PCDHGB7: variants seen among roughly 807,000 people sequenced by gnomAD.
PCDHGB7 encodes the protein protocadherin gamma subfamily B, 7, also known as protocadherin gamma-B7.
Under a neutral mutation model 61.4 loss-of-function variants are expected in PCDHGB7, and 37 were observed. The ratio of observed to expected loss-of-function variants is 0.60; its 90% CI spans 0.46 to 0.79. The LOEUF (loss-of-function observed/expected upper bound fraction) is 0.79. Among genes scored for constraint, PCDHGB7 ranks in the 30% least tolerant of loss-of-function variants. The probability of loss-of-function intolerance (pLI) is 0.00; values close to 1 mark genes in which losing one functional copy is unlikely to be tolerated. For synonymous variants in PCDHGB7, 464 were observed against 503.5 expected (o/e 0.92, Z 1.05); for missense variants, 1,166 against 1,202.5 (o/e 0.97, Z 0.45).
At chr5:141,479,242 A>G (rs2099491093) in intron 1 of PCDHGB7, 1 of 152,320 alleles carries the variant, frequency 6.6e-6, no homozygotes, top group African/African-American at 2.4e-5. Context: ...AAACCCAAAG[A>G]TAACCATTTT....
chr5:141,473,048 A>T (rs1295750830), intron 1 of PCDHGB7, among the ~76,000 whole-genome samples: 4 of 151,992 alleles, frequency 2.6e-5, no homozygotes, highest in Non-Finnish European at 5.9e-5. Flanking sequence ...GAAAGAAAGA[A>T]GTGATACAAC....
rs1410729947 is a variant in PCDHGB7 at position 141,493,256 on chromosome 5, T to TA, written c.2416-1550dup. 3.3e-5 allele frequency among the ~76,000 whole-genome samples: 5 copies of TA among 152,306 alleles called. No homozygotes were observed. The highest frequency in any genetic ancestry group is 1.2e-4 in the African/African-American group (5 of 41,570). ...TGGCTAGGTACTAACATGCCTCTCT[T>TA]ATAACAGCTTCACAGAGGTCAAGTG... On this transcript the variant is annotated intron_variant, in intron 1 of 3. Transcript: ENST00000398594. This position sits in a 1 kb window ranked among gnomAD's most constrained non-coding sequence, Gnocchi z 4.3.
At chr5:141,434,331 T>C (rs1271938024) in intron 1 of PCDHGB7, among the ~76,000 whole-genome samples, 3 of 152,186 alleles carry the variant, frequency 2.0e-5, no homozygotes, top group Non-Finnish European at 4.4e-5. Context: ...GCTTGTCTCT[T>C]TGTGTCGGGA....
At chr5:141,503,679 G>A (rs562303239) in intron 2 of PCDHGB7, among the ~76,000 whole-genome samples, 1 of 152,054 alleles carries the variant, frequency 6.6e-6, no homozygotes, top group East Asian at 1.9e-4. Context: ...CCACTTTTGG[G>A]AAGGAGAATT....
chr5:141,422,151 G>A (rs763343536), intron 1 of PCDHGB7: 1 of 1,575,938 alleles, frequency 6.3e-7, no homozygotes, highest in Admixed American at 2.0e-5. Flanking sequence ...GGGGGTCTCT[G>A]GATTTTGAAA....
At chr5:141,458,617 T>A (rs1392739721) in intron 1 of PCDHGB7, among the ~76,000 whole-genome samples, 6 of 152,170 alleles carry the variant, frequency 3.9e-5, no homozygotes, top group Non-Finnish European at 8.8e-5. Flanking sequence ...TCAGCCAGGC[T>A]GGAGTGCAGT....
chr5:141,440,563 T>C (rs1048420758), intron 1 of PCDHGB7: 3 of 152,250 alleles, frequency 2.0e-5, no homozygotes, highest in Admixed American at 6.5e-5. Flanking sequence ...TTAAGTTACG[T>C]ATCTCTGAGT....
At chr5:141,510,580 G>A (rs947369646) in intron 3 of PCDHGB7, among the ~76,000 whole-genome samples, 7 of 152,248 alleles carry the variant, frequency 4.6e-5, no homozygotes, top group South Asian at 2.1e-4. Flanking sequence ...ACTATTTTAC[G>A]TACCTGACAT....
rs2096300166 is a variant in PCDHGB7, at chr5:141,418,904, A to C, written c.1045A>C (p.Ile349Leu). The C allele has an allele frequency of 6.2e-7, 1 of 1,613,998 alleles. No homozygotes were observed. Among genetic ancestry groups the C allele is most frequent in the Admixed American group, 1.7e-5 (1 of 60,026 alleles). Residue 349 changes from isoleucine (I) to leucine (L), a missense_variant, in exon 1 of 4, where the codon ATC becomes CTC. Ile to Leu is a conservative substitution (Grantham distance 5). Transcript: ENST00000398594. ...AAACGACAACAGCCCAGAAATAATC[A>C]TCACGTCACTCTCTGATCAGATTAT... is the stretch of plus-strand genomic sequence containing the variant. ...DENDNSPEII[I>L]TSLSDQIMED...
In PCDHGB7 at chr5:141,491,835, G is replaced by C; in HGVS notation, c.2416-2972G>C. On this transcript the variant is annotated intron_variant, in intron 1 of 3. Coordinates refer to ENST00000398594, the MANE Select transcript of PCDHGB7 (RefSeq NM_018927.4). The surrounding 1 kb of genome is among the most constrained non-coding windows in gnomAD (Gnocchi z 6.9). The stretch of plus-strand genomic sequence containing the variant: ...GCTGGCTGCGCTCCACCCGATTCTC[G>C]GGATCATTGGACCGTTTGCGCGAAA... 1 of 1,473,258 alleles carries C rather than the reference G, an allele frequency of 6.8e-7. No individual in the cohort carries two copies. The highest frequency in any genetic ancestry group is 9.0e-7 in the Non-Finnish European group (1 of 1,112,098). The allele number at this position is 1,473,258 out of a possible 1,614,324, so 91.3% of individuals were successfully genotyped here.
At chr5:141,460,331 A>T (rs537463160) in intron 1 of PCDHGB7, among the ~76,000 whole-genome samples, 3 of 152,212 alleles carry the variant, frequency 2.0e-5, no homozygotes, top group African/African-American at 7.2e-5. Flanking sequence ...AAAACTTATG[A>T]TGATTTTCTC....
Position 141,510,982 on chromosome 5 carries a change from G to A in PCDHGB7, c.2599G>A (p.Ala867Thr). The A allele has an allele frequency of 3.1e-6, 5 of 1,614,166 alleles. No homozygotes were observed. Among genetic ancestry groups the A allele is most frequent in the Non-Finnish European group, 3.4e-6 (4 of 1,180,018 alleles). Reference protein sequence around the residue: ...ADGSSTLGGGAGTMGLSARYG... With the variant: ...ADGSSTLGGGTGTMGLSARYG... Reference sequence around the variant, plus strand: ...TGGGAGCTCCACCCTGGGAGGGGGTGCCGGCACCATGGGATTGAGCGCCCG... The same window carrying A: ...TGGGAGCTCCACCCTGGGAGGGGGTACCGGCACCATGGGATTGAGCGCCCG... The change falls in exon 4 of 4, where the codon GCC (alanine) becomes ACC (threonine). Residue 867 changes from alanine to threonine, a missense_variant. Coordinates refer to ENST00000398594, the MANE Select transcript of PCDHGB7 (RefSeq NM_018927.4).
chr5:141,485,033 T>C lies in PCDHGB7; in HGVS notation c.2416-9774T>C. 1 of 689,352 alleles carries C rather than the reference T, an allele frequency of 1.5e-6. No homozygotes were observed. The highest frequency in any genetic ancestry group is 2.5e-6 in the Non-Finnish European group (1 of 392,590). The allele number at this position is 689,352 out of a possible 1,614,324, so 42.7% of individuals were successfully genotyped here. On this transcript the variant is annotated intron_variant, in intron 1 of 3. Coordinates refer to ENST00000398594, the MANE Select transcript of PCDHGB7 (RefSeq NM_018927.4). This position sits in a 1 kb window ranked among gnomAD's most constrained non-coding sequence, Gnocchi z 5.7. ...CCCCGCCACCAGCAAAAACGGCGCG[T>C]AACCCTTGCGGCGCCGGCCGAACCG...
intron 1 of PCDHGB7, among the ~76,000 whole-genome samples, chr5:141,481,886 C>T (rs575190135): frequency 6.9e-6 from 1 of 145,360 alleles, no homozygotes; most frequent in South Asian, 2.2e-4. Context: ...TGCACTCCAG[C>T]CTGGGTGAAA....
In PCDHGB7 at chr5:141,418,613, C is replaced by T. The variant is rs759701663; in HGVS notation, c.754C>T (p.Arg252Trp). Residue 252 changes from arginine to tryptophan, a missense_variant, in exon 1 of 4, where the codon CGG (arginine) becomes TGG (tryptophan). Physicochemically the swap from Arg to Trp is moderately radical, Grantham distance 101. Coordinates refer to ENST00000398594, the MANE Select transcript of PCDHGB7 (RefSeq NM_018927.4). ...CCAGGACGTGTACAGGGTTAGCCTT[C>T]GGGAAGACGTGCCTCCAGGCACCTC... ...FSQDVYRVSL[R>W]EDVPPGTSIL... The T allele has an allele frequency of 9.9e-6, 16 of 1,613,892 alleles. No individual in the cohort carries two copies. Among genetic ancestry groups the T allele is most frequent in the Non-Finnish European group, 1.4e-5 (16 of 1,179,900 alleles).
In PCDHGB7 at chr5:141,418,313, A is replaced by G. The variant is rs750036471; in HGVS notation, c.454A>G (p.Thr152Ala). The G allele has an allele frequency of 1.2e-6, 2 of 1,614,038 alleles. No homozygotes were observed. Among genetic ancestry groups the G allele is most frequent in the Middle Eastern group, 1.6e-4 (1 of 6,062 alleles). The change falls in exon 1 of 4, where the codon ACA (threonine) becomes GCA (alanine). Residue 152 changes from threonine to alanine, a missense_variant. Transcript: ENST00000398594. The part of the protein sequence containing the change: ...ISESVSLGMG[T>A]ILESAEDPDI... ...TGAATCCGTCAGCCTGGGGATGGGA[A>G]CAATTCTTGAGTCTGCAGAAGATCC...
chr5:141,476,920 A>G lies in PCDHGB7; in HGVS notation c.2416-17887A>G. The G allele has an allele frequency of 6.2e-7, 1 of 1,614,094 alleles. No individual in the cohort carries two copies. The highest frequency in any genetic ancestry group is 1.1e-5 in the South Asian group (1 of 91,088). On this transcript the variant is annotated intron_variant, in intron 1 of 3. Coordinates refer to ENST00000398594, the MANE Select transcript of PCDHGB7 (RefSeq NM_018927.4). This position sits in a 1 kb window ranked among gnomAD's most constrained non-coding sequence, Gnocchi z 7.6. ...GCACGCGCGTGGTACAAGTCCTTGC[A>G]ACGGATCTGGATGAAGGCCCCAACG...
At chr5:141,425,413 T>G (rs2096873899) in intron 1 of PCDHGB7, among the ~76,000 whole-genome samples, 1 of 152,202 alleles carries the variant, frequency 6.6e-6, no homozygotes, top group African/African-American at 2.4e-5. Context: ...AGGTATAACA[T>G]ATAGTCCCAT....
chr5:141,473,017 A>AGAAG (rs1484773075), intron 1 of PCDHGB7, among the ~76,000 whole-genome samples: 3 of 151,764 alleles, frequency 2.0e-5, no homozygotes, highest in African/African-American at 4.8e-5. Flanking sequence ...AGAAAAAGAA[A>AGAAG]GAAGGAAGGA....
Sources: allele counts gnomAD v4.1 joint callset (sites outside exome capture counted in the v4.1 genomes callset), GRCh38; gene constraint gnomAD v4.1.1; non-coding constraint Gnocchi (gnomAD v3.1); transcripts MANE v1.5; gene names NCBI Gene and HGNC (gene_info 2026-07-23, HGNC 2026-07-21).